Variants in ENTREP2 observed in about 807,000 individuals in gnomAD.
ENTREP2 encodes endosomal transmembrane epsin interactor 2.
the ENTREP2 span, among the ~76,000 whole-genome samples, chr15:29,280,482 G>C: frequency 6.6e-6 from 1 of 152,208 alleles, no homozygotes; most frequent in African/African-American, 2.4e-5. Flanking sequence ...AAGAAGGCCT[G>C]GGGAAGGAAG....
the ENTREP2 span, among the ~76,000 whole-genome samples, chr15:29,330,643 G>C: frequency 4.9e-3 from 743 of 152,250 alleles, 37 homozygotes; most frequent in East Asian, 0.11. Context: ...AGGAGCCTAA[G>C]GCAACATGGC....
chr15:29,405,343 T>G, the ENTREP2 span, among the ~76,000 whole-genome samples: 1 of 150,616 alleles, frequency 6.6e-6, no homozygotes, highest in Non-Finnish European at 1.5e-5. Flanking sequence ...GAGCCAAGAT[T>G]GCACCATTGC....
the ENTREP2 span, among the ~76,000 whole-genome samples, chr15:29,215,084 G>A: frequency 6.6e-6 from 1 of 152,044 alleles, no homozygotes; most frequent in Non-Finnish European, 1.5e-5. Flanking sequence ...TCATTTCTTT[G>A]GTCTGTTAGT....
chr15:29,316,734 C>T, the ENTREP2 span, among the ~76,000 whole-genome samples: 6 of 152,120 alleles, frequency 3.9e-5, no homozygotes, highest in South Asian at 2.1e-4. Context: ...ATGTAAATGT[C>T]GAAAAATATG....
chr15:29,552,933 GA>G, the ENTREP2 span, among the ~76,000 whole-genome samples: 64 of 152,290 alleles, frequency 4.2e-4, no homozygotes, highest in African/African-American at 1.4e-3. Flanking sequence ...AAGAAAACTG[GA>G]AAGTTCTCCA....
At chr15:29,148,578 TTTTA>T in the ENTREP2 span, among the ~76,000 whole-genome samples, 1 of 152,250 alleles carries the variant, frequency 6.6e-6, no homozygotes, top group African/African-American at 2.4e-5. Context: ...CTGTATTGTT[TTTTA>T]TTTATATTTT....
chr15:29,455,290 C>T, the ENTREP2 span, among the ~76,000 whole-genome samples: 1 of 152,140 alleles, frequency 6.6e-6, no homozygotes, highest in African/African-American at 2.4e-5. Flanking sequence ...CAATGCACGA[C>T]CATGAATGAG....
chr15:29,570,956 G>C, the ENTREP2 span, among the ~76,000 whole-genome samples: 1 of 144,526 alleles, frequency 6.9e-6, no homozygotes, highest in African/African-American at 2.5e-5. Flanking sequence ...CCGCCCGCCC[G>C]CCGGCCGCGC....
the ENTREP2 span, among the ~76,000 whole-genome samples, chr15:29,176,164 T>C: frequency 8.5e-6 from 1 of 118,308 alleles, no homozygotes; most frequent in Non-Finnish European, 1.8e-5. Flanking sequence ...GTCTCTAATC[T>C]GCATTTAACT....
At chr15:29,191,484 CGAA>C in the ENTREP2 span, among the ~76,000 whole-genome samples, 3 of 151,976 alleles carry the variant, frequency 2.0e-5, no homozygotes, top group African/African-American at 7.2e-5. Flanking sequence ...GGGATAAAAA[CGAA>C]GACACAAGGG....
the ENTREP2 span, among the ~76,000 whole-genome samples, chr15:29,310,910 C>T: frequency 6.6e-6 from 1 of 152,102 alleles, no homozygotes; most frequent in African/African-American, 2.4e-5. Context: ...AATTAAAACC[C>T]CATCACTGCA....
At chr15:29,233,679 C>T in the ENTREP2 span, 94 of 1,061,566 alleles carry the variant, frequency 8.9e-5, no homozygotes, top group East Asian at 3.8e-4. Context: ...ATGGGCATAG[C>T]GCATCTCCTG....
chr15:29,299,445 C>A, the ENTREP2 span, among the ~76,000 whole-genome samples: 1 of 152,196 alleles, frequency 6.6e-6, no homozygotes, highest in Non-Finnish European at 1.5e-5. Flanking sequence ...GTGGCTGCAG[C>A]ACACTGGCTT....
chr15:29,302,675 T>C, the ENTREP2 span, among the ~76,000 whole-genome samples: 1 of 152,106 alleles, frequency 6.6e-6, no homozygotes, highest in Non-Finnish European at 1.5e-5. Flanking sequence ...ACTCATTTCA[T>C]AGAAAACGGA....
the ENTREP2 span, chr15:29,126,419 C>T: frequency 6.5e-7 from 1 of 1,549,588 alleles, no homozygotes; most frequent in Non-Finnish European, 8.7e-7. Flanking sequence ...GCCCACAGGG[C>T]CATCGGGGGA....
chr15:29,604,586 T>C, the ENTREP2 span, among the ~76,000 whole-genome samples: 1 of 152,300 alleles, frequency 6.6e-6, no homozygotes. Flanking sequence ...AATTATAATA[T>C]CTAGCAATAA....
At chr15:29,282,077 A>T in the ENTREP2 span, among the ~76,000 whole-genome samples, 1 of 152,194 alleles carries the variant, frequency 6.6e-6, no homozygotes, top group African/African-American at 2.4e-5. Flanking sequence ...ATAAAGATGT[A>T]TCCTCATATG....
chr15:29,618,307 C>T, the ENTREP2 span, among the ~76,000 whole-genome samples: 1 of 151,734 alleles, frequency 6.6e-6, no homozygotes, highest in African/African-American at 2.4e-5. Context: ...CCTGTAATCC[C>T]AGCTATTTGG....
chr15:29,271,620 C>G, the ENTREP2 span, among the ~76,000 whole-genome samples: 3 of 152,250 alleles, frequency 2.0e-5, no homozygotes, highest in African/African-American at 7.2e-5. Context: ...CAGAACTGCC[C>G]TGTTCTGTTT....
Sources: gnomAD v4.1 joint callset for allele counts (sites outside exome capture counted in the v4.1 genomes callset) on GRCh38, gnomAD v4.1.1 for gene constraint, MANE v1.5 for transcripts, NCBI Gene and HGNC (gene_info 2026-07-23, HGNC 2026-07-21) for gene names.